PRKCH: variants seen among roughly 807,000 people sequenced by gnomAD.
PRKCH encodes protein kinase C eta.
Under a neutral mutation model 82.5 loss-of-function variants are expected in PRKCH, and 28 were observed. The observed-to-expected ratio is 0.34, with a 90% CI of 0.25 to 0.47. The LOEUF is 0.47. Among genes scored for constraint, PRKCH ranks in the 20% least tolerant of loss-of-function variants. PRKCH has a pLI of 1.00. For synonymous variants in PRKCH, 322 were observed against 327.4 expected, an observed-to-expected ratio of 0.98 and a Z score of 0.18; for missense variants, 705 against 881.8, an observed-to-expected ratio of 0.80 and a Z score of 2.54.
At chr14:61,460,473 G>A (rs1884979104) in intron 9 of PRKCH, among the ~76,000 whole-genome samples, 1 of 152,138 alleles carries the variant, frequency 6.6e-6, no homozygotes, top group Non-Finnish European at 1.5e-5. Flanking sequence ...CTCCCCCATT[G>A]TGGTTAAAGA....
intron 2 of PRKCH, among the ~76,000 whole-genome samples, chr14:61,407,485 A>G (rs757712602): frequency 1.3e-5 from 2 of 152,152 alleles, no homozygotes; most frequent in Non-Finnish European, 2.9e-5. Context: ...TGATTTCCTT[A>G]AACATACTAA....
At chr14:61,192,688 A>G (rs2044414160) in intron 1 of PRKCH, among the ~76,000 whole-genome samples, 2 of 152,210 alleles carry the variant, frequency 1.3e-5, no homozygotes, top group Non-Finnish European at 2.9e-5. Flanking sequence ...TCAGGCAACA[A>G]GACACTACTG....
chr14:61,390,369 C>T (rs2046658165), intron 1 of PRKCH, among the ~76,000 whole-genome samples: 1 of 152,292 alleles, frequency 6.6e-6, no homozygotes, highest in East Asian at 1.9e-4. Flanking sequence ...TTGATACTCC[C>T]GTGACTAATT....
At chr14:61,499,654 A>G (rs1478013571) in intron 10 of PRKCH, among the ~76,000 whole-genome samples, 1 of 152,158 alleles carries the variant, frequency 6.6e-6, no homozygotes, top group Non-Finnish European at 1.5e-5. Context: ...AGAATCTCAA[A>G]GCTGGAATGG....
chr14:61,381,527 C>G (rs909688621), intron 1 of PRKCH, among the ~76,000 whole-genome samples: 6 of 152,242 alleles, frequency 3.9e-5, no homozygotes, highest in African/African-American at 1.4e-4. Flanking sequence ...CTTTAAACCC[C>G]TTCCCATGTC....
chr14:61,484,384 C>T (rs770435524), intron 9 of PRKCH, among the ~76,000 whole-genome samples: 42 of 148,614 alleles, frequency 2.8e-4, no homozygotes, highest in South Asian at 4.2e-4. Flanking sequence ...TATGGGATCC[C>T]GGCTCCGAAC....
At chr14:61,400,648 A>G (rs1318750581) in intron 2 of PRKCH, among the ~76,000 whole-genome samples, 1 of 152,208 alleles carries the variant, frequency 6.6e-6, no homozygotes, top group Non-Finnish European at 1.5e-5. Context: ...TGAGGACCAG[A>G]CACTGGAGTT....
In PRKCH at chr14:61,370,028, C is replaced by T. The variant is rs190482090; in HGVS notation, c.364-21197C>T. On this transcript the variant is annotated intron_variant, in intron 1 of 13. Coordinates refer to ENST00000332981, the MANE Select transcript of PRKCH (RefSeq NM_006255.5). ...AGGTTGGAGTGCAGTGGCGTGATCT[C>T]CGCCTCCCAGGTTCAAGCGATTCTC... is the stretch of plus-strand genomic sequence containing the variant. Among the ~76,000 whole-genome samples the T allele has an allele frequency of 8.0e-4, 121 of 152,006 alleles. 3 individuals are homozygous for T. The highest frequency in any genetic ancestry group is 2.7e-3 in the African/African-American group (113 of 41,370).
chr14:61,443,068 T>C, intron 2 of PRKCH, 43 bp from the exon 3 acceptor site: 1 of 1,576,340 alleles, frequency 6.3e-7, no homozygotes, highest in Non-Finnish European at 8.7e-7. Context: ...GTGCGTTAGG[T>C]TCCTTACATC....
intron 1 of PRKCH, among the ~76,000 whole-genome samples, chr14:61,316,447 G>C (rs530454334): frequency 2.6e-5 from 4 of 152,300 alleles, no homozygotes; most frequent in Admixed American, 2.6e-4. Flanking sequence ...GTGTGACTAA[G>C]ACAAGAAACA....
intron 9 of PRKCH, among the ~76,000 whole-genome samples, chr14:61,484,764 C>CGTTTTTTTTTTT (rs1555392076): frequency 3.3e-5 from 4 of 121,202 alleles, no homozygotes; most frequent in African/African-American, 1.3e-4. Flanking sequence ...ATTTGGCTTC[C>CGTTTTTTTTTTT]TTTTTTTTTT....
Position 61,454,892 on chromosome 14 carries a change from C to G in PRKCH, c.960+1539C>G, listed in dbSNP as rs57355401. The stretch of plus-strand genomic sequence containing the variant: ...CAGTTCAGGAAAATTATCGACTCAA[C>G]TAATTAATCTCTGGGTGCTGAGGAA... On this transcript the variant is annotated intron_variant, in intron 7 of 13. Transcript: ENST00000332981. Among the ~76,000 whole-genome samples, 2,881 of 152,264 alleles carry G rather than the reference C, an allele frequency of 0.019. 199 individuals carry two copies. In the East Asian group the frequency reaches 0.26, roughly 14 times the overall value.
At chr14:61,318,746 G>A (rs1397601383), upstream of PRKCH, among the ~76,000 whole-genome samples, 1 of 151,728 alleles carries the variant, frequency 6.6e-6, no homozygotes, top group Non-Finnish European at 1.5e-5. Flanking sequence ...TTCATAAACT[G>A]GTCTCCCCAC....
At chr14:61,453,642 C>T (rs1275907260) in intron 7 of PRKCH, among the ~76,000 whole-genome samples, 1 of 150,274 alleles carries the variant, frequency 6.7e-6, no homozygotes, top group Non-Finnish European at 1.5e-5. Context: ...TTCCCCTTCC[C>T]CTTCCCCTTC....
intron 10 of PRKCH, 120 bp from the exon 11 acceptor site, chr14:61,528,954 GC>G: frequency 1.1e-6 from 1 of 918,930 alleles, no homozygotes; most frequent in South Asian, 1.9e-5. Flanking sequence ...GGAAGCTCAT[GC>G]GGCCGCATGT....
Position 61,280,990 on chromosome 14 carries a change from A to AGGC in PRKCH, c.-19+93323_-19+93325dup. On this transcript the variant is annotated intron_variant, in intron 1 of 3. Transcript: ENST00000555185. The surrounding 1 kb of genome is among the most constrained non-coding windows in gnomAD (Gnocchi z 5.0). Reference sequence around the variant, plus strand: ...CTTGATGCCGTTGGAGGAGTAGTAGAGGCCCAGGCCCAGGCCGATGAAGGC... The same window carrying AGGC: ...CTTGATGCCGTTGGAGGAGTAGTAGAGGCGGCCCAGGCCCAGGCCGATGAAGGC... The AGGC allele has an allele frequency of 6.5e-7, 1 of 1,540,182 alleles. No individual in the cohort carries two copies. Among genetic ancestry groups the AGGC allele is most frequent in the Non-Finnish European group, 8.7e-7 (1 of 1,145,680 alleles).
At chr14:61,446,975 G>A (rs1884255472) in intron 4 of PRKCH, among the ~76,000 whole-genome samples, 1 of 152,242 alleles carries the variant, frequency 6.6e-6, no homozygotes, top group Admixed American at 6.5e-5. Context: ...GCTATGTAAA[G>A]AGCAGGGAAG....
intron 1 of PRKCH, among the ~76,000 whole-genome samples, chr14:61,197,319 C>A (rs924662398): frequency 6.6e-6 from 1 of 152,144 alleles, no homozygotes; most frequent in African/African-American, 2.4e-5. Flanking sequence ...GTCACCTCTC[C>A]CTACATATAG....
intron 1 of PRKCH, among the ~76,000 whole-genome samples, chr14:61,295,879 C>G (rs943839067): frequency 6.6e-6 from 1 of 151,660 alleles, no homozygotes; most frequent in Non-Finnish European, 1.5e-5. Context: ...TTTTTTAAAC[C>G]CTTTGCTGGT....
Sources: allele counts gnomAD v4.1 joint callset (sites outside exome capture counted in the v4.1 genomes callset), GRCh38; gene constraint gnomAD v4.1.1; non-coding constraint Gnocchi (gnomAD v3.1); transcripts MANE v1.5; gene names NCBI Gene and HGNC (gene_info 2026-07-23, HGNC 2026-07-21).